PLEK2: variants seen among roughly 807,000 people sequenced by gnomAD.
PLEK2 encodes the protein pleckstrin 2.
Under a neutral mutation model 43.8 loss-of-function variants are expected in PLEK2, and 29 were observed. The observed-to-expected ratio is 0.66, with a 90% CI of 0.49 to 0.90. PLEK2 has a LOEUF of 0.90. Among genes scored for constraint, PLEK2 ranks in the 40% least tolerant of loss-of-function variants. PLEK2 has a pLI of 0.00. For missense variants in PLEK2, 398 were observed against 448.1 expected (o/e 0.89, Z 1.01); for synonymous variants, 162 against 173.2 (o/e 0.94, Z 0.51).
intron 6 of PLEK2, among the ~76,000 whole-genome samples, chr14:67,392,095 T>A (rs542796984): frequency 6.6e-6 from 1 of 152,210 alleles, no homozygotes; most frequent in African/African-American, 2.4e-5. Context: ...GTGTGTGTAG[T>A]ACATTTTTCC....
intron 2 of PLEK2, 71 bp from the exon 3 acceptor site, chr14:67,395,654 G>A (rs3818468): frequency 0.079 from 108,548 of 1,367,954 alleles, 12,594 homozygotes; most frequent in East Asian, 0.42. Context: ...CAAAAATGAC[G>A]GGGCCCCGGG....
intron 1 of PLEK2, among the ~76,000 whole-genome samples, chr14:67,410,865 G>A (rs1167287537): frequency 6.6e-6 from 1 of 152,082 alleles, no homozygotes; most frequent in African/African-American, 2.4e-5. Context: ...TTCAAATTAC[G>A]CTCTGTGTGG....
chr14:67,403,041 G>T (rs891013200), intron 1 of PLEK2, among the ~76,000 whole-genome samples: 3 of 152,204 alleles, frequency 2.0e-5, no homozygotes, highest in Non-Finnish European at 4.4e-5. Flanking sequence ...CTCACCAACA[G>T]TGTAGGAGGG....
At chr14:67,392,567 G>T in intron 5 of PLEK2, 95 bp downstream of exon 5, 4 of 1,285,582 alleles carry the variant, frequency 3.1e-6, no homozygotes, top group Non-Finnish European at 4.5e-6. Context: ...CAAGCCCAAG[G>T]TCTCCTCCCA....
At chr14:67,387,563 T>C in intron 8 of PLEK2, 107 bp from the exon 9 acceptor site, 2 of 1,129,264 alleles carry the variant, frequency 1.8e-6, no homozygotes, top group Non-Finnish European at 2.5e-6. Context: ...CATACAATGA[T>C]GTATTTATTA....
intron 4 of PLEK2, 27 bp from the exon 5 acceptor site, chr14:67,392,876 G>A (rs776734351): frequency 7.0e-6 from 11 of 1,571,022 alleles, no homozygotes; most frequent in African/African-American, 2.7e-5. Context: ...CCAGTCAGGC[G>A]ATGGGTGATG....
At position 67,387,062 on chromosome 14, in the gene PLEK2, C is replaced by T. The variant is rs188291273; in HGVS notation, c.*267G>A. ...AACAAAGGGAACCTACTTTGGTGCC[C>T]GAGGAAATGGCTGTTTGTGATGCTG... On this transcript the variant is annotated 3_prime_UTR_variant, in exon 9 of 9. Coordinates refer to ENST00000216446, the MANE Select transcript of PLEK2 (RefSeq NM_016445.3). 1.9e-4 allele frequency: 54 copies of T among 289,658 alleles called. No homozygotes were observed. Among genetic ancestry groups the T allele is most frequent in the Admixed American group, 5.0e-4 (9 of 17,954 alleles). 17.9% of individuals were successfully genotyped at this position (289,658 alleles called of 1,614,324 possible).
At chr14:67,390,821 G>A in intron 6 of PLEK2, 75 bp from the exon 7 acceptor site, 1 of 1,048,346 alleles carries the variant, frequency 9.5e-7, no homozygotes, top group Non-Finnish European at 1.5e-6. Flanking sequence ...TGCATGTAAT[G>A]CCAAACCCCC....
At chr14:67,397,000 G>A (rs1021290056) in intron 2 of PLEK2, among the ~76,000 whole-genome samples, 6 of 86,580 alleles carry the variant, frequency 6.9e-5, no homozygotes, top group East Asian at 6.7e-4. Flanking sequence ...GTGCAGTGGC[G>A]TGATCTCGGC....
rs924736515 is a variant in PLEK2, at chr14:67,393,089, G to A, written c.481+61C>T. ...ATACAGGGCGGTCAAGCACACAGCTGAGCCCTGCATCACCATGTCCCAGCT... is the reference window on the plus strand; with the variant it reads ...ATACAGGGCGGTCAAGCACACAGCTAAGCCCTGCATCACCATGTCCCAGCT... On this transcript the variant is annotated intron_variant, in intron 4 of 8. Transcript: ENST00000216446. 4 of 1,274,712 alleles carry A rather than the reference G, an allele frequency of 3.1e-6. No individual in the cohort carries two copies. In the African/African-American group the frequency reaches 5.9e-5, roughly 19 times the overall value. 79.0% of individuals were successfully genotyped at this position (1,274,712 alleles called of 1,614,324 possible).
intron 2 of PLEK2, among the ~76,000 whole-genome samples, chr14:67,396,554 T>A (rs905137487): frequency 1.2e-4 from 12 of 97,696 alleles, no homozygotes; most frequent in African/African-American, 9.1e-4. Context: ...TGGTGAACAT[T>A]CCCCTTTGAC....
chr14:67,393,945 G>A (rs768706279), intron 3 of PLEK2, among the ~76,000 whole-genome samples: 48 of 152,238 alleles, frequency 3.2e-4, no homozygotes, highest in Admixed American at 5.9e-4. Context: ...GTGGTGATTC[G>A]CTGTCTCTAG....
chr14:67,388,156 G>T, intron 8 of PLEK2, 68 bp downstream of exon 8: 2 of 955,140 alleles, frequency 2.1e-6, no homozygotes, highest in Non-Finnish European at 3.4e-6. Context: ...TTTCATTAGT[G>T]GGACATTACT....
chr14:67,403,413 T>G (rs188495500), intron 1 of PLEK2, among the ~76,000 whole-genome samples: 1 of 152,318 alleles, frequency 6.6e-6, no homozygotes, highest in East Asian at 1.9e-4. Flanking sequence ...TAGAAACATC[T>G]TCAAACAGAA....
At chr14:67,398,755 A>G (rs1314082787) in intron 1 of PLEK2, among the ~76,000 whole-genome samples, 4 of 152,082 alleles carry the variant, frequency 2.6e-5, no homozygotes, top group Admixed American at 6.6e-5. Flanking sequence ...ACGAGGTCTC[A>G]CTATACTCCC....
intron 1 of PLEK2, among the ~76,000 whole-genome samples, chr14:67,405,703 C>T (rs1045052692): frequency 2.6e-5 from 4 of 152,240 alleles, no homozygotes; most frequent in Non-Finnish European, 5.9e-5. Flanking sequence ...CTCTGCCTCT[C>T]TCCCTCTCTC....
At chr14:67,392,581 C>A in intron 5 of PLEK2, 81 bp downstream of exon 5, 1 of 1,355,848 alleles carries the variant, frequency 7.4e-7, no homozygotes, top group South Asian at 1.2e-5. Context: ...CCTCCCATGA[C>A]TGTGGCCCCC....
Position 67,404,097 on chromosome 14 carries a change from G to A in PLEK2, c.43-6271C>T, listed in dbSNP as rs147092129. On this transcript the variant is annotated intron_variant, in intron 1 of 8. Coordinates refer to ENST00000216446, the MANE Select transcript of PLEK2 (RefSeq NM_016445.3). ...ATATAGATTATAGAAAAGGTTTCATGTATTGACACTTATAGGAACACTGCT... is the reference window on the plus strand; with the variant it reads ...ATATAGATTATAGAAAAGGTTTCATATATTGACACTTATAGGAACACTGCT... Among the ~76,000 whole-genome samples the A allele has an allele frequency of 2.6e-5, 4 of 152,076 alleles. No homozygotes were observed. The East Asian group carries it at 7.8e-4, about 29-fold the overall frequency.
chr14:67,409,146 G>T (rs1177599893), intron 1 of PLEK2, among the ~76,000 whole-genome samples: 2 of 152,156 alleles, frequency 1.3e-5, no homozygotes, highest in African/African-American at 4.8e-5. Flanking sequence ...GGGAGGCTGA[G>T]GCAGGAGGAT....
Sources: gnomAD v4.1 joint callset for allele counts (sites outside exome capture counted in the v4.1 genomes callset) on GRCh38, gnomAD v4.1.1 for gene constraint, MANE v1.5 for transcripts, NCBI Gene and HGNC (gene_info 2026-07-23, HGNC 2026-07-21) for gene names.